Variants in SSX2IP observed in about 807,000 individuals in gnomAD.
The protein encoded by SSX2IP is afadin- and alpha-actinin-binding protein.
In SSX2IP, 55 loss-of-function variants were observed where a neutral mutation model predicts 84.9. The ratio of observed to expected loss-of-function variants is 0.65; its 90% CI spans 0.52 to 0.81. The LOEUF is 0.81. Ranked by LOEUF, SSX2IP falls within the 30% of genes least tolerant of loss-of-function variation. The pLI, the probability that SSX2IP is intolerant of heterozygous loss-of-function variation, is 0.00. For synonymous variants in SSX2IP, 239 were observed against 234.7 expected, an observed-to-expected ratio of 1.02 and a Z score of -0.17; for missense variants, 664 against 705.2, an observed-to-expected ratio of 0.94 and a Z score of 0.66.
intron 13 of SSX2IP, 110 bp from the exon 14 acceptor site, chr1:84,647,717 A>T: frequency 1.2e-6 from 1 of 832,952 alleles, no homozygotes; most frequent in Non-Finnish European, 1.7e-6. Flanking sequence ...AATTCTAAAA[A>T]TCTAGGCCAA....
At chr1:84,655,407 C>A (rs182329451) in intron 11 of SSX2IP, 4 of 1,281,240 alleles carry the variant, frequency 3.1e-6, no homozygotes, top group East Asian at 5.6e-5. Flanking sequence ...AGCTGTAGAG[C>A]GTATATATAA....
At chr1:84,653,297 G>A (rs1384223965) in intron 11 of SSX2IP, among the ~76,000 whole-genome samples, 1 of 152,136 alleles carries the variant, frequency 6.6e-6, no homozygotes, top group African/African-American at 2.4e-5. Context: ...ACTTCATCAA[G>A]CATTTCTCTC....
intron 4 of SSX2IP, among the ~76,000 whole-genome samples, chr1:84,666,960 A>T (rs1372426777): frequency 1.3e-5 from 2 of 152,206 alleles, no homozygotes; most frequent in Non-Finnish European, 2.9e-5. Flanking sequence ...ACCATAAATA[A>T]TAACTTGCAC....
intron 1 of SSX2IP, among the ~76,000 whole-genome samples, chr1:84,682,891 A>C (rs1655277805): frequency 1.3e-5 from 2 of 152,220 alleles, no homozygotes; most frequent in Non-Finnish European, 1.5e-5. Context: ...AATAACAATA[A>C]AATAATTTAT....
chr1:84,670,622 C>A, intron 3 of SSX2IP, 24 bp downstream of exon 3: 1 of 1,498,016 alleles, frequency 6.7e-7, no homozygotes, highest in South Asian at 1.3e-5. Context: ...ATTTATGCTA[C>A]TGTTTTTTAC....
chr1:84,649,840 G>A, intron 13 of SSX2IP: 1 of 438,798 alleles, frequency 2.3e-6, no homozygotes, highest in Middle Eastern at 3.5e-4. Flanking sequence ...TAGCAATTAA[G>A]AGCAACATAT....
Position 84,685,032 on chromosome 1 carries a change from C to G in SSX2IP, c.-90+5339G>C, listed in dbSNP as rs74621018. On this transcript the variant is annotated intron_variant, in intron 1 of 13. Transcript: ENST00000342203. The stretch of plus-strand genomic sequence containing the variant: ...GGTGGTACTTACTGTATTATTAAAA[C>G]TATAAATGGACCAATTAAACAAACG... 5.1e-3 allele frequency among the ~76,000 whole-genome samples: 771 copies of G among 152,242 alleles called. 34 individuals are homozygous for G. In the East Asian group the frequency reaches 0.076, roughly 15 times the overall value.
At chr1:84,685,499 G>C (rs537478835) in intron 1 of SSX2IP, among the ~76,000 whole-genome samples, 2 of 152,334 alleles carry the variant, frequency 1.3e-5, no homozygotes, top group South Asian at 4.1e-4. Context: ...GCTAGCCCTA[G>C]GAAGGAGTAA....
chr1:84,670,612 AT>A, intron 3 of SSX2IP, 33 bp downstream of exon 3: 1 of 1,447,208 alleles, frequency 6.9e-7, no homozygotes, highest in Non-Finnish European at 9.5e-7. Flanking sequence ...ATATAACATG[AT>A]TTATGCTACT....
rs202076304 is a variant in SSX2IP at position 84,655,850 on chromosome 1, A to G, written c.1371T>C (p.Ala457=). Residue 457 remains alanine (A), a synonymous_variant, in exon 11 of 14, where the codon GCT becomes GCC. Coordinates refer to ENST00000342203, the MANE Select transcript of SSX2IP (RefSeq NM_001166293.2). ...AAAATACCTCCAATCCCAGGCGAATAGCGGCTTCTGTAAAGCTTCGTCTCT... is the reference window on the plus strand; with the variant it reads ...AAAATACCTCCAATCCCAGGCGAATGGCGGCTTCTGTAAAGCTTCGTCTCT... The part of the protein sequence containing the change: ...ERERRSFTEA[A]IRLGLERKAF... 6.2e-7 allele frequency: 1 copy of G among 1,613,696 alleles called. No individual in the cohort carries two copies. Among genetic ancestry groups the G allele is most frequent in the African/African-American group, 1.3e-5 (1 of 75,008 alleles).
At chr1:84,680,524 T>C (rs138939925) in intron 1 of SSX2IP, 51 of 152,312 alleles carry the variant, frequency 3.3e-4, no homozygotes, top group African/African-American at 1.2e-3. Flanking sequence ...CATGGGTACA[T>C]GGTAAGTGCT....
At chr1:84,658,274 C>A (rs759104484) in intron 9 of SSX2IP, 44 bp downstream of exon 9, 1 of 1,607,986 alleles carries the variant, frequency 6.2e-7, no homozygotes, top group Non-Finnish European at 8.5e-7. Flanking sequence ...CAACACCTTA[C>A]CAAATGTCAC....
chr1:84,676,587 T>C (rs1267474640), intron 1 of SSX2IP, among the ~76,000 whole-genome samples: 1 of 152,122 alleles, frequency 6.6e-6, no homozygotes, highest in Non-Finnish European at 1.5e-5. Context: ...GTCCAAGTGT[T>C]TTCTCTTTTG....
chr1:84,680,360 A>C (rs530959364), intron 1 of SSX2IP: 16 of 152,320 alleles, frequency 1.1e-4, no homozygotes, highest in African/African-American at 3.6e-4. Context: ...CCTGAACATA[A>C]ATCTTCTTTG....
chr1:84,670,521 A>T (rs1653419114), intron 3 of SSX2IP, 125 bp downstream of exon 3: 1 of 609,270 alleles, frequency 1.6e-6, no homozygotes, highest in Non-Finnish European at 2.6e-6. Context: ...GTTCTCTGAA[A>T]ATCTAAGTCT....
At chr1:84,687,252 T>A (rs1489974198) in intron 1 of SSX2IP, among the ~76,000 whole-genome samples, 2 of 152,212 alleles carry the variant, frequency 1.3e-5, no homozygotes, top group Admixed American at 6.5e-5. Context: ...AAAGGATATG[T>A]GTGAAGCAAG....
At chr1:84,654,990 G>A (rs1359727175) in intron 11 of SSX2IP, among the ~76,000 whole-genome samples, 1 of 151,978 alleles carries the variant, frequency 6.6e-6, no homozygotes, top group Non-Finnish European at 1.5e-5. Context: ...TGAAATGGAA[G>A]CTTTTTATTA....
rs921185441 is a variant in SSX2IP at position 84,643,989 on chromosome 1, A to G, written c.*3444T>C. On this transcript the variant is annotated 3_prime_UTR_variant, in exon 14 of 14. Transcript: ENST00000342203. ...CCAGCTTGAAAAACACTGTATTTAG[A>G]AAAAGGATTAGAGTGAGCAATTTCA... The G allele has an allele frequency of 6.6e-5, 10 of 152,242 alleles. No individual in the cohort carries two copies. The highest frequency in any genetic ancestry group is 4.6e-4 in the Admixed American group (7 of 15,280). 9.4% of individuals were successfully genotyped at this position (152,242 alleles called of 1,614,324 possible). A position where few individuals can be genotyped will look rare whatever the true frequency, so the allele number is the denominator to read the frequency against.
chr1:84,655,764 TTAG>T, intron 11 of SSX2IP, 65 bp downstream of exon 11: 1 of 1,542,962 alleles, frequency 6.5e-7, no homozygotes, highest in Non-Finnish European at 8.8e-7. Flanking sequence ...AAAGGAGACC[TTAG>T]AAGCATTCTA....
Sources: gnomAD v4.1 joint callset for allele counts (sites outside exome capture counted in the v4.1 genomes callset) on GRCh38, gnomAD v4.1.1 for gene constraint, MANE v1.5 for transcripts, NCBI Gene and HGNC (gene_info 2026-07-23, HGNC 2026-07-21) for gene names.